ABTB3: variants seen among roughly 807,000 people sequenced by gnomAD.
ABTB3 encodes ankyrin repeat and BTB domain containing 3, also known as ankyrin repeat- and BTB/POZ domain-containing protein 3.
chr12:107,546,828 G>A, the ABTB3 span, among the ~76,000 whole-genome samples: 1 of 152,156 alleles, frequency 6.6e-6, no homozygotes, highest in Non-Finnish European at 1.5e-5. Context: ...TCAGGCTACT[G>A]CACTCCAGCC....
At chr12:107,639,304 C>T in the ABTB3 span, among the ~76,000 whole-genome samples, 1 of 152,150 alleles carries the variant, frequency 6.6e-6, no homozygotes, top group African/African-American at 2.4e-5. Flanking sequence ...TAGACTCTAT[C>T]CTGGGAGCAA....
the ABTB3 span, among the ~76,000 whole-genome samples, chr12:107,342,343 G>T: frequency 6.6e-6 from 1 of 152,060 alleles, no homozygotes; most frequent in Non-Finnish European, 1.5e-5. Flanking sequence ...AGGGAGAAGA[G>T]AGCTGAGGTG....
chr12:107,342,421 G>A, the ABTB3 span, among the ~76,000 whole-genome samples: 1 of 152,052 alleles, frequency 6.6e-6, no homozygotes, highest in African/African-American at 2.4e-5. Flanking sequence ...TGGTGATGCT[G>A]TTGTCACTGT....
chr12:107,440,833 C>T, the ABTB3 span, among the ~76,000 whole-genome samples: 1 of 152,194 alleles, frequency 6.6e-6, no homozygotes, highest in Non-Finnish European at 1.5e-5. Context: ...ATAAAGATAA[C>T]AGCTGCATGA....
the ABTB3 span, among the ~76,000 whole-genome samples, chr12:107,574,492 G>A: frequency 3.3e-5 from 5 of 152,186 alleles, no homozygotes; most frequent in Admixed American, 6.5e-5. Context: ...GGAGGCCAAG[G>A]CAGGTGGATG....
chr12:107,545,110 A>T, the ABTB3 span, among the ~76,000 whole-genome samples: 1 of 152,204 alleles, frequency 6.6e-6, no homozygotes, highest in Admixed American at 6.5e-5. Flanking sequence ...AGCTCATTGG[A>T]TGCTCTGCTT....
chr12:107,459,878 C>T, the ABTB3 span, among the ~76,000 whole-genome samples: 1 of 152,230 alleles, frequency 6.6e-6, no homozygotes, highest in Non-Finnish European at 1.5e-5. Flanking sequence ...CCCGACTGAG[C>T]ATGGCCCTCC....
the ABTB3 span, among the ~76,000 whole-genome samples, chr12:107,421,730 G>A: frequency 2.0e-5 from 3 of 152,286 alleles, no homozygotes; most frequent in East Asian, 1.9e-4. Flanking sequence ...TACCCCCTGC[G>A]CCTTCCACTT....
At chr12:107,571,869 G>A in the ABTB3 span, among the ~76,000 whole-genome samples, 2 of 152,236 alleles carry the variant, frequency 1.3e-5, no homozygotes, top group African/African-American at 2.4e-5. Context: ...CACTGAGCTT[G>A]CTGAGCATCC....
At chr12:107,587,798 G>C in the ABTB3 span, among the ~76,000 whole-genome samples, 1 of 152,160 alleles carries the variant, frequency 6.6e-6, no homozygotes, top group African/African-American at 2.4e-5. Context: ...CCTCTGGAAG[G>C]ATAGATAAGA....
chr12:107,498,373 A>G, the ABTB3 span, among the ~76,000 whole-genome samples: 1 of 152,180 alleles, frequency 6.6e-6, no homozygotes, highest in Non-Finnish European at 1.5e-5. Context: ...CAGCACCCTG[A>G]GGAGCCTCGT....
chr12:107,441,744 C>T, the ABTB3 span, among the ~76,000 whole-genome samples: 1 of 139,400 alleles, frequency 7.2e-6, no homozygotes, highest in South Asian at 2.2e-4. Context: ...TCAAGACCAG[C>T]CTGGGCAATA....
the ABTB3 span, among the ~76,000 whole-genome samples, chr12:107,559,824 T>C: frequency 2.0e-5 from 3 of 151,728 alleles, no homozygotes; most frequent in African/African-American, 7.3e-5. Context: ...CATCTTTTTA[T>C]ACCTACAATA....
the ABTB3 span, among the ~76,000 whole-genome samples, chr12:107,372,514 G>T: frequency 6.6e-6 from 1 of 152,146 alleles, no homozygotes; most frequent in African/African-American, 2.4e-5. Context: ...GCGTCCTCAA[G>T]AAGTGTATTA....
the ABTB3 span, among the ~76,000 whole-genome samples, chr12:107,654,274 AT>A: frequency 1.3e-5 from 2 of 152,006 alleles, no homozygotes; most frequent in African/African-American, 4.8e-5. Context: ...ATCTGTTCAA[AT>A]CCCTGTTTTT....
chr12:107,438,194 A>G, the ABTB3 span, among the ~76,000 whole-genome samples: 4 of 151,886 alleles, frequency 2.6e-5, no homozygotes, highest in African/African-American at 9.7e-5. Flanking sequence ...GTCACTGTGA[A>G]CTCTCTATGT....
the ABTB3 span, among the ~76,000 whole-genome samples, chr12:107,590,839 A>C: frequency 6.6e-6 from 1 of 152,098 alleles, no homozygotes; most frequent in Admixed American, 6.5e-5. Flanking sequence ...GGATTTATTG[A>C]TTATATATTG....
the ABTB3 span, among the ~76,000 whole-genome samples, chr12:107,482,180 C>T: frequency 6.6e-6 from 1 of 152,104 alleles, no homozygotes; most frequent in Non-Finnish European, 1.5e-5. Flanking sequence ...CATGTCACCC[C>T]CTCCAGCTGA....
the ABTB3 span, among the ~76,000 whole-genome samples, chr12:107,456,123 T>C: frequency 6.6e-6 from 1 of 152,222 alleles, no homozygotes; most frequent in African/African-American, 2.4e-5. Flanking sequence ...TGCCAATAAC[T>C]ACCGTAAGCT....
Sources: allele counts gnomAD v4.1 joint callset (sites outside exome capture counted in the v4.1 genomes callset), GRCh38; gene constraint gnomAD v4.1.1; transcripts MANE v1.5; gene names NCBI Gene and HGNC (gene_info 2026-07-23, HGNC 2026-07-21).